The following SAMD4A variants were observed in gnomAD, a reference collection of about 807,000 sequenced individuals.
SAMD4A encodes the protein sterile alpha motif domain containing 4A.
In SAMD4A, 33 loss-of-function variants were observed where a neutral mutation model predicts 81.3. The ratio of observed to expected loss-of-function variants is 0.41; its 90% CI spans 0.31 to 0.54. The LOEUF (loss-of-function observed/expected upper bound fraction) is 0.54, where lower values mean the gene tolerates loss of function less well. Among genes scored for constraint, SAMD4A ranks in the 20% least tolerant of loss-of-function variants. SAMD4A has a pLI of 0.37. For synonymous variants in SAMD4A, 389 were observed against 382.1 expected (o/e 1.02, Z -0.21); for missense variants, 854 against 951.1 (o/e 0.90, Z 1.34).
intron 2 of SAMD4A, among the ~76,000 whole-genome samples, chr14:54,700,585 A>T (rs2036689940): frequency 6.6e-6 from 1 of 152,148 alleles, no homozygotes. Flanking sequence ...AACCTTCTAG[A>T]TATGGCATAA....
chr14:54,573,646 A>G (rs1427955479), intron 2 of SAMD4A, among the ~76,000 whole-genome samples: 1 of 152,134 alleles, frequency 6.6e-6, no homozygotes. Context: ...CTTCCTTTTC[A>G]TCTCTCCTGA....
At position 54,737,309 on chromosome 14, in the gene SAMD4A, C is replaced by T. The variant is rs1341704891; in HGVS notation, c.979+22C>T. The T allele has an allele frequency of 4.3e-6, 7 of 1,612,538 alleles. No homozygotes were observed. In the East Asian group the frequency reaches 1.1e-4, roughly 26 times the overall value. On this transcript the variant is annotated intron_variant, in intron 4 of 12. Coordinates refer to ENST00000554335, the MANE Select transcript of SAMD4A (RefSeq NM_015589.6). ...AAAGGTGAGTGACTAAATGAGAAACCACTGGGGAAAGAGCCCCTCCCTTTA... is the reference window on the plus strand; with the variant it reads ...AAAGGTGAGTGACTAAATGAGAAACTACTGGGGAAAGAGCCCCTCCCTTTA...
intron 11 of SAMD4A, among the ~76,000 whole-genome samples, chr14:54,783,484 GT>G (rs2039054408): frequency 6.6e-6 from 1 of 152,234 alleles, no homozygotes; most frequent in African/African-American, 2.4e-5. Context: ...AGATAGAGGG[GT>G]TCCAGGTGGT....
intron 2 of SAMD4A, among the ~76,000 whole-genome samples, chr14:54,699,905 C>T (rs1594829474): frequency 6.6e-6 from 1 of 151,938 alleles, no homozygotes; most frequent in Admixed American, 6.5e-5. Flanking sequence ...TCTCCTGCTT[C>T]GGTTTGGAGA....
chr14:54,774,838 AGG>A, intron 9 of SAMD4A, 94 bp from the exon 10 acceptor site: 4 of 865,528 alleles, frequency 4.6e-6, no homozygotes, highest in African/African-American at 1.9e-5. Context: ...AAAAAAAATG[AGG>A]AGACCTCCAA....
intron 11 of SAMD4A, among the ~76,000 whole-genome samples, chr14:54,777,785 G>GCTCACATTGCTTC (rs1171543289): frequency 6.6e-6 from 1 of 152,172 alleles, no homozygotes; most frequent in Non-Finnish European, 1.5e-5. Flanking sequence ...GCAGAGGCCT[G>GCTCACATTGCTTC]CTCACATTGC....
rs80195014 is a variant in SAMD4A at position 54,785,215 on chromosome 14, G to T, written c.2128+595G>T. 4.7e-4 allele frequency among the ~76,000 whole-genome samples: 72 copies of T among 152,362 alleles called. No homozygotes were observed. In the East Asian group the frequency reaches 0.013, roughly 27 times the overall value. ...GGGACAGGTTGAGTTAGAGGCGCCT[G>T]CACGTCCACTGCCCAAGCCCAGAAT... On this transcript the variant is annotated intron_variant, in intron 12 of 12. Transcript: ENST00000554335.
intron 7 of SAMD4A, among the ~76,000 whole-genome samples, chr14:54,763,702 C>T (rs2038463947): frequency 6.6e-6 from 1 of 152,152 alleles, no homozygotes; most frequent in African/African-American, 2.4e-5. Context: ...CTTTTGTCCA[C>T]CCATCTCCAC....
chr14:54,734,500 G>A (rs1020180849), intron 3 of SAMD4A, among the ~76,000 whole-genome samples: 3 of 152,216 alleles, frequency 2.0e-5, no homozygotes, highest in African/African-American at 7.2e-5. Context: ...AGAGGCAGAG[G>A]CCAAGTTCAT....
intron 2 of SAMD4A, among the ~76,000 whole-genome samples, chr14:54,612,020 A>C (rs8009628): frequency 0.74 from 112,211 of 152,054 alleles, 41,520 homozygotes; most frequent in East Asian, 0.85. Context: ...CCGCACAGTT[A>C]TTTACTGAAG....
intron 12 of SAMD4A, 70 bp downstream of exon 12, chr14:54,784,690 G>C (rs1266847734): frequency 1.5e-6 from 2 of 1,379,298 alleles, no homozygotes; most frequent in East Asian, 2.3e-5. Flanking sequence ...GCCATCTGCT[G>C]TCTATACCGT....
chr14:54,660,108 A>ATC (rs2035607771), intron 2 of SAMD4A, among the ~76,000 whole-genome samples: 7 of 151,678 alleles, frequency 4.6e-5, no homozygotes, highest in African/African-American at 7.3e-5. Flanking sequence ...GCCTTTTGTC[A>ATC]ATCATCATTC....
intron 2 of SAMD4A, among the ~76,000 whole-genome samples, chr14:54,597,916 T>A (rs1175969471): frequency 3.3e-5 from 5 of 152,184 alleles, no homozygotes; most frequent in Admixed American, 2.0e-4. Flanking sequence ...ACACATTGCT[T>A]CTGCCTGGTC....
At chr14:54,754,537 C>T (rs561422852) in intron 6 of SAMD4A, among the ~76,000 whole-genome samples, 40 of 152,274 alleles carry the variant, frequency 2.6e-4, no homozygotes, top group African/African-American at 9.4e-4. Context: ...GGACGCATCC[C>T]CTGGCCCTCC....
At position 54,748,173 on chromosome 14, in the gene SAMD4A, C is replaced by T. The variant is rs78678588; in HGVS notation, c.980-642C>T. Among the ~76,000 whole-genome samples the T allele has an allele frequency of 8.1e-3, 1,228 of 152,236 alleles. 18 individuals carry two copies. The highest frequency in any genetic ancestry group is 0.027 in the African/African-American group (1,137 of 41,526). ...GAAATGGTCAGCGGACACACCCCCA[C>T]GACAGAAAGAGTTTTGGGGATCAGG... On this transcript the variant is annotated intron_variant, in intron 4 of 12. Transcript: ENST00000554335.
At chr14:54,579,169 T>C (rs1422338155) in intron 2 of SAMD4A, among the ~76,000 whole-genome samples, 5 of 152,228 alleles carry the variant, frequency 3.3e-5, no homozygotes, top group South Asian at 2.1e-4. Flanking sequence ...TCTCCTGTTA[T>C]TGAATGGATG....
At chr14:54,587,884 G>T (rs2033668278) in intron 2 of SAMD4A, among the ~76,000 whole-genome samples, 1 of 152,128 alleles carries the variant, frequency 6.6e-6, no homozygotes, top group African/African-American at 2.4e-5. Flanking sequence ...TTTAGTATTA[G>T]GGTGATACTG....
At chr14:54,597,206 G>A (rs1195201684) in intron 2 of SAMD4A, among the ~76,000 whole-genome samples, 1 of 151,746 alleles carries the variant, frequency 6.6e-6, no homozygotes, top group African/African-American at 2.4e-5. Context: ...TGTTAGGTAG[G>A]CATGCTTCAG....
chr14:54,667,140 G>T (rs1594787271), intron 2 of SAMD4A, among the ~76,000 whole-genome samples: 2 of 152,254 alleles, frequency 1.3e-5, no homozygotes, highest in East Asian at 3.9e-4. Context: ...ATTTTGCAGA[G>T]CAATTTTAGG....
Sources: allele counts gnomAD v4.1 joint callset (sites outside exome capture counted in the v4.1 genomes callset), GRCh38; gene constraint gnomAD v4.1.1; transcripts MANE v1.5; gene names NCBI Gene and HGNC (gene_info 2026-07-23, HGNC 2026-07-21).